CHRM3: variants seen among roughly 807,000 people sequenced by gnomAD.
CHRM3 encodes cholinergic receptor muscarinic 3.
Under a neutral mutation model 41.8 loss-of-function variants are expected in CHRM3, and 11 were observed. The observed-to-expected ratio is 0.26, with a 90% CI of 0.17 to 0.44. CHRM3 has a LOEUF of 0.44. Ranked by LOEUF, CHRM3 falls within the 20% of genes least tolerant of loss-of-function variation. The probability of loss-of-function intolerance (pLI) is 1.00; values close to 1 mark genes in which losing one functional copy is unlikely to be tolerated. For missense variants in CHRM3, 571 were observed against 745.4 expected (o/e 0.77, Z 2.72); for synonymous variants, 297 against 301.4 (o/e 0.99, Z 0.15).
chr1:239,908,663 A>C lies in CHRM3; in HGVS notation c.1212A>C (p.Lys404Asn). The C allele has an allele frequency of 1.2e-6, 2 of 1,612,872 alleles. No homozygotes were observed. Among genetic ancestry groups the C allele is most frequent in the Non-Finnish European group, 1.7e-6 (2 of 1,179,458 alleles). Residue 404 changes from lysine to asparagine, a missense_variant, in exon 7 of 7, where the codon AAA becomes AAC. Physicochemically the swap from Lys to Asn is moderately conservative, Grantham distance 94 (BLOSUM62 0). Around this residue, in one of 5 missense-constraint regions of CHRM3, gnomAD observed 239 missense variants for 239.6 expected, o/e 1.00. Transcript: ENST00000676153. The surrounding 1 kb of genome is among the most constrained non-coding windows in gnomAD (Gnocchi z 7.2). ...EELGMVDLER[K>N]ADKLQAQKSV... ...TGGGGATGGTGGACTTGGAGAGGAA[A>C]GCCGACAAGCTGCAGGCCCAGAAGA...
intron 1 of CHRM3, among the ~76,000 whole-genome samples, chr1:239,435,503 G>A (rs1282596388): frequency 4.6e-5 from 7 of 151,142 alleles, no homozygotes; most frequent in South Asian, 2.1e-4. Flanking sequence ...CACTACTGCC[G>A]GGGGATTTGT....
chr1:239,532,748 A>G (rs1439931359), intron 2 of CHRM3, among the ~76,000 whole-genome samples: 1 of 152,188 alleles, frequency 6.6e-6, no homozygotes, highest in Non-Finnish European at 1.5e-5. Context: ...GAATATTGAA[A>G]AAAGATGATT....
chr1:239,460,751 A>G (rs1665297254), intron 1 of CHRM3, among the ~76,000 whole-genome samples: 1 of 152,226 alleles, frequency 6.6e-6, no homozygotes, highest in Non-Finnish European at 1.5e-5. Flanking sequence ...TTTCATGTAT[A>G]CTTAGAAGTG....
intron 5 of CHRM3, among the ~76,000 whole-genome samples, chr1:239,745,451 A>T (rs1053917096): frequency 1.3e-5 from 2 of 151,836 alleles, no homozygotes; most frequent in Non-Finnish European, 2.9e-5. Context: ...AAAAAAAAAA[A>T]TTTCCAAAGG....
chr1:239,430,976 AATAT>A (rs1332046968), intron 1 of CHRM3, among the ~76,000 whole-genome samples: 1 of 152,160 alleles, frequency 6.6e-6, no homozygotes, highest in East Asian at 1.9e-4. Flanking sequence ...TTAAAATCAT[AATAT>A]CTATTACTTT....
chr1:239,838,108 A>G (rs1315689838), intron 6 of CHRM3, among the ~76,000 whole-genome samples: 1 of 152,222 alleles, frequency 6.6e-6, no homozygotes, highest in African/African-American at 2.4e-5. Context: ...ACATGTAAAA[A>G]TGGGAGATAA....
At chr1:239,695,100 T>C (rs1660063223) in intron 5 of CHRM3, among the ~76,000 whole-genome samples, 1 of 152,208 alleles carries the variant, frequency 6.6e-6, no homozygotes. Context: ...AACCTCTGCC[T>C]CCCGGGTTCA....
intron 6 of CHRM3, among the ~76,000 whole-genome samples, chr1:239,884,567 A>T (rs980552764): frequency 9.2e-5 from 14 of 152,284 alleles, no homozygotes; most frequent in African/African-American, 3.4e-4. Context: ...GATTGCACTA[A>T]CTACTTCTTA....
chr1:239,532,070 T>TA (rs1169561405), intron 2 of CHRM3, among the ~76,000 whole-genome samples: 1 of 129,356 alleles, frequency 7.7e-6, no homozygotes, highest in Non-Finnish European at 1.6e-5. Flanking sequence ...TGGAGTGCAG[T>TA]AGCGCGATCT....
chr1:239,863,272 C>T (rs571073200), intron 6 of CHRM3, among the ~76,000 whole-genome samples: 2 of 152,312 alleles, frequency 1.3e-5, no homozygotes, highest in East Asian at 3.9e-4. Flanking sequence ...AAGGATGGGA[C>T]AATGGTTTGT....
At chr1:239,494,027 A>T (rs1015639651) in intron 2 of CHRM3, among the ~76,000 whole-genome samples, 1 of 152,184 alleles carries the variant, frequency 6.6e-6, no homozygotes, top group South Asian at 2.1e-4. Flanking sequence ...TTGGTAATGT[A>T]TGGGCTCTTG....
intron 1 of CHRM3, among the ~76,000 whole-genome samples, chr1:239,398,447 G>T (rs1659684597): frequency 6.6e-6 from 1 of 151,522 alleles, no homozygotes; most frequent in Non-Finnish European, 1.5e-5. Context: ...TGTTGGTCAG[G>T]CTGGTCTCGA....
chr1:239,760,279 C>T (rs551662211), intron 5 of CHRM3, among the ~76,000 whole-genome samples: 38 of 152,110 alleles, frequency 2.5e-4, no homozygotes, highest in South Asian at 1.3e-3. Context: ...AATTTGTCTC[C>T]GCAGTGGGTT....
At position 239,682,985 on chromosome 1, in the gene CHRM3, A is replaced by C. The variant is rs190961181; in HGVS notation, c.-147+4697A>C. Among the ~76,000 whole-genome samples the C allele has an allele frequency of 2.5e-3, 387 of 152,274 alleles. 1 individual carries two copies. Among genetic ancestry groups the C allele is most frequent in the African/African-American group, 8.9e-3 (370 of 41,568 alleles). ...CATGTCACCTCATTTATTTGCAGTAAGAACATTCAACATCCTCTCTTCTAG... is the reference window on the plus strand; with the variant it reads ...CATGTCACCTCATTTATTTGCAGTACGAACATTCAACATCCTCTCTTCTAG... On this transcript the variant is annotated intron_variant, in intron 5 of 6. Transcript: ENST00000676153.
intron 1 of CHRM3, among the ~76,000 whole-genome samples, chr1:239,439,841 A>T: frequency 6.6e-6 from 1 of 152,132 alleles, no homozygotes; most frequent in East Asian, 1.9e-4. Context: ...GCTTGGCACC[A>T]TGTTTTTAGA....
chr1:239,694,930 A>G (rs1660044100), intron 5 of CHRM3, among the ~76,000 whole-genome samples: 1 of 151,788 alleles, frequency 6.6e-6, no homozygotes, highest in African/African-American at 2.4e-5. Flanking sequence ...ATTGGTGTCT[A>G]TGCTGCAGAC....
At chr1:239,784,175 A>G (rs1429758964) in intron 5 of CHRM3, among the ~76,000 whole-genome samples, 1 of 152,044 alleles carries the variant, frequency 6.6e-6, no homozygotes, top group African/African-American at 2.4e-5. Flanking sequence ...ATCATTGTGC[A>G]ATGCTCCTCT....
At chr1:239,482,057 CTTA>C (rs1327982154) in intron 1 of CHRM3, among the ~76,000 whole-genome samples, 1 of 151,994 alleles carries the variant, frequency 6.6e-6, no homozygotes, top group Non-Finnish European at 1.5e-5. Flanking sequence ...ATTACAAAGG[CTTA>C]TTTTTTTCAT....
chr1:239,525,911 C>T (rs567914169), intron 2 of CHRM3, among the ~76,000 whole-genome samples: 13 of 152,302 alleles, frequency 8.5e-5, no homozygotes, highest in African/African-American at 3.1e-4. Context: ...ATGCCCAGGA[C>T]ACCCCAATTC....
Sources: allele counts gnomAD v4.1 joint callset (sites outside exome capture counted in the v4.1 genomes callset), GRCh38; gene constraint gnomAD v4.1.1; regional missense constraint gnomAD v4.1.1; non-coding constraint Gnocchi (gnomAD v3.1); transcripts MANE v1.5; gene names NCBI Gene and HGNC (gene_info 2026-07-23, HGNC 2026-07-21).